GRIK1: variants seen among roughly 807,000 people sequenced by gnomAD.
GRIK1 encodes glutamate receptor ionotropic, kainate 1.
GRIK1 carries 69 observed loss-of-function variants against 105.7 expected under a neutral mutation model. That is an observed-to-expected ratio of 0.65 (90% CI 0.54 to 0.80). The LOEUF (loss-of-function observed/expected upper bound fraction) is 0.80, where lower values mean the gene tolerates loss of function less well. Ranked by LOEUF, GRIK1 falls within the 30% of genes least tolerant of loss-of-function variation. The pLI, the probability that GRIK1 is intolerant of heterozygous loss-of-function variation, is 0.00. For synonymous variants in GRIK1, 438 were observed against 431.3 expected (o/e 1.02, Z -0.19); for missense variants, 1,109 against 1,167.3 (o/e 0.95, Z 0.73).
intron 1 of GRIK1, among the ~76,000 whole-genome samples, chr21:29,851,136 C>T (rs998931360): frequency 2.0e-5 from 3 of 151,820 alleles, no homozygotes; most frequent in African/African-American, 7.3e-5. Flanking sequence ...CTCACTGCAA[C>T]CTCCGCCTCC....
chr21:29,617,129 C>T (rs1488808645), intron 7 of GRIK1, among the ~76,000 whole-genome samples: 1 of 152,060 alleles, frequency 6.6e-6, no homozygotes, highest in Non-Finnish European at 1.5e-5. Flanking sequence ...AAATACATTT[C>T]CAATTTAATT....
chr21:29,765,972 C>T (rs2145714921), intron 1 of GRIK1, among the ~76,000 whole-genome samples: 1 of 152,168 alleles, frequency 6.6e-6, no homozygotes, highest in Non-Finnish European at 1.5e-5. Flanking sequence ...CTGCCTCAGC[C>T]TCCCGAGTAG....
intron 7 of GRIK1, among the ~76,000 whole-genome samples, chr21:29,623,743 T>C (rs2062059952): frequency 6.6e-6 from 1 of 152,224 alleles, no homozygotes; most frequent in African/African-American, 2.4e-5. Context: ...TAAAATAGAA[T>C]GAATAGAAAG....
chr21:29,938,687 C>G (rs111314398), intron 1 of GRIK1, among the ~76,000 whole-genome samples: 34 of 152,274 alleles, frequency 2.2e-4, no homozygotes, highest in African/African-American at 7.9e-4. Flanking sequence ...TGCTCAGTGG[C>G]AGGCAAGCGG....
At chr21:29,598,150 T>C (rs767190405) in intron 8 of GRIK1, among the ~76,000 whole-genome samples, 29 of 152,208 alleles carry the variant, frequency 1.9e-4, no homozygotes, top group Non-Finnish European at 3.7e-4. Flanking sequence ...AAAATTGGCA[T>C]AGTAAAATAT....
chr21:29,556,640 A>C (rs903507691), intron 15 of GRIK1, among the ~76,000 whole-genome samples: 3 of 152,138 alleles, frequency 2.0e-5, no homozygotes, highest in Non-Finnish European at 4.4e-5. Context: ...GTTTCTAGCC[A>C]ATAGGAACTA....
chr21:29,593,806 C>A (rs1487995783), intron 9 of GRIK1, among the ~76,000 whole-genome samples: 2 of 152,174 alleles, frequency 1.3e-5, no homozygotes, highest in African/African-American at 4.8e-5. Context: ...GTTCAATAGC[C>A]TAGCAATATC....
intron 1 of GRIK1, among the ~76,000 whole-genome samples, chr21:29,702,914 G>A (rs191145499): frequency 3.8e-4 from 58 of 152,226 alleles, no homozygotes; most frequent in Non-Finnish European, 7.4e-5. Flanking sequence ...AACTTCTGTC[G>A]TTTTAAGCCA....
intron 14 of GRIK1, among the ~76,000 whole-genome samples, chr21:29,570,735 A>G (rs1380368954): frequency 6.6e-6 from 1 of 151,992 alleles, no homozygotes; most frequent in Non-Finnish European, 1.5e-5. Context: ...CAAATAGGCT[A>G]TTGTATTTCC....
intron 1 of GRIK1, among the ~76,000 whole-genome samples, chr21:29,793,510 C>A (rs963208245): frequency 6.6e-6 from 1 of 151,348 alleles, no homozygotes; most frequent in African/African-American, 2.4e-5. Flanking sequence ...TCCTTTTCCC[C>A]TCTCTGCCTT....
rs561749066 is a variant in GRIK1 at position 29,678,868 on chromosome 21, C to T, written c.545-5704G>A. Among the ~76,000 whole-genome samples the T allele has an allele frequency of 3.3e-5, 5 of 152,138 alleles. No individual in the cohort carries two copies. In the South Asian group the frequency reaches 8.3e-4, roughly 25 times the overall value. On this transcript the variant is annotated intron_variant, in intron 3 of 17. Transcript: ENST00000327783. The stretch of plus-strand genomic sequence containing the variant: ...TAGCACATCTTGCATTTTAGCTTGA[C>T]TACTCATGCCAAAGTGTTGATTTTC...
At chr21:29,547,100 G>A (rs189658980) in intron 16 of GRIK1, among the ~76,000 whole-genome samples, 1 of 152,110 alleles carries the variant, frequency 6.6e-6, no homozygotes, top group African/African-American at 2.4e-5. Flanking sequence ...TCCTAGGTAC[G>A]TATCTCTTTT....
At chr21:29,553,277 A>G in intron 16 of GRIK1, 1 of 1,039,612 alleles carries the variant, frequency 9.6e-7, no homozygotes, top group Non-Finnish European at 1.2e-6. Context: ...CTTATTTTTA[A>G]TGCATGAAGA....
intron 7 of GRIK1, among the ~76,000 whole-genome samples, chr21:29,631,856 A>C (rs2062281417): frequency 6.6e-6 from 1 of 152,184 alleles, no homozygotes; most frequent in Non-Finnish European, 1.5e-5. Context: ...TATGCAACTC[A>C]CATTATCTTT....
At chr21:29,831,426 T>C (rs893622053) in intron 1 of GRIK1, among the ~76,000 whole-genome samples, 2 of 152,176 alleles carry the variant, frequency 1.3e-5, no homozygotes, top group African/African-American at 4.8e-5. Context: ...CACATTGCTA[T>C]AAAGAACTAC....
At chr21:29,590,636 C>T (rs1165772969) in intron 10 of GRIK1, among the ~76,000 whole-genome samples, 1 of 152,172 alleles carries the variant, frequency 6.6e-6, no homozygotes, top group Non-Finnish European at 1.5e-5. Flanking sequence ...AAAGAATACT[C>T]CTGAAGCTCA....
chr21:29,707,174 A>C (rs952143547), intron 1 of GRIK1, among the ~76,000 whole-genome samples: 3 of 151,996 alleles, frequency 2.0e-5, no homozygotes, highest in Admixed American at 6.6e-5. Context: ...TATTCCAGGC[A>C]TTTTACTTTC....
In GRIK1 at chr21:29,570,480, C is replaced by T. The variant is rs1013428146; in HGVS notation, c.2130+6484G>A. Reference sequence around the variant, plus strand: ...TCGCACCATTGCACTCCAGCATGGGCGACAGGGTGAGACTCCATCTCAAAA... The same window carrying T: ...TCGCACCATTGCACTCCAGCATGGGTGACAGGGTGAGACTCCATCTCAAAA... On this transcript the variant is annotated intron_variant, in intron 14 of 17. Transcript: ENST00000327783. Among the ~76,000 whole-genome samples, 29 of 150,040 alleles carry T rather than the reference C, an allele frequency of 1.9e-4. 1 individual carries two copies. Among genetic ancestry groups the T allele is most frequent in the Non-Finnish European group, 3.7e-4 (25 of 67,810 alleles).
chr21:29,714,796 AAATC>A (rs1255145661), intron 1 of GRIK1, among the ~76,000 whole-genome samples: 2 of 152,188 alleles, frequency 1.3e-5, no homozygotes, highest in East Asian at 3.9e-4. Flanking sequence ...GATTCTTTAT[AAATC>A]AATCAATCTC....
Sources: gnomAD v4.1 joint callset for allele counts (sites outside exome capture counted in the v4.1 genomes callset) on GRCh38, gnomAD v4.1.1 for gene constraint, MANE v1.5 for transcripts, NCBI Gene and HGNC (gene_info 2026-07-23, HGNC 2026-07-21) for gene names.